NVL: variants seen among roughly 807,000 people sequenced by gnomAD.
The protein encoded by NVL is nuclear valosin-containing protein-like.
A neutral mutation model predicts 110.2 loss-of-function variants in NVL; 84 were observed. The observed-to-expected ratio is 0.76, with a 90% CI of 0.64 to 0.91. NVL has a LOEUF of 0.91. Ranked by LOEUF, NVL falls within the 40% of genes least tolerant of loss-of-function variation. The probability of loss-of-function intolerance (pLI) is 0.00; values close to 1 mark genes in which losing one functional copy is unlikely to be tolerated. For synonymous variants in NVL, 354 were observed against 361.1 expected (o/e 0.98, Z 0.22); for missense variants, 882 against 1,035.9 (o/e 0.85, Z 2.04).
chr1:224,314,999 G>A (rs1669926898), intron 4 of NVL, among the ~76,000 whole-genome samples: 1 of 151,700 alleles, frequency 6.6e-6, no homozygotes. Flanking sequence ...CGACAAGAGT[G>A]AGACTCCATC....
intron 5 of NVL, 24 bp from the exon 6 acceptor site, chr1:224,308,287 T>C (rs775823655): frequency 6.3e-7 from 1 of 1,578,218 alleles, no homozygotes; most frequent in African/African-American, 1.4e-5. Flanking sequence ...AAAACAAAAT[T>C]GTAGCATAAA....
At chr1:224,284,679 C>A (rs970716836) in intron 15 of NVL, among the ~76,000 whole-genome samples, 3 of 151,412 alleles carry the variant, frequency 2.0e-5, no homozygotes, top group Non-Finnish European at 4.4e-5. Context: ...CATGCCTGGC[C>A]AAAAAAACAC....
At chr1:224,262,769 G>A (rs1482909527) in intron 18 of NVL, among the ~76,000 whole-genome samples, 1 of 152,116 alleles carries the variant, frequency 6.6e-6, no homozygotes, top group Non-Finnish European at 1.5e-5. Flanking sequence ...AAAAATGAGG[G>A]CCACTGAATC....
In NVL at chr1:224,293,474, C is replaced by T. The variant is rs190904399; in HGVS notation, c.1325+793G>A. Among the ~76,000 whole-genome samples, 105 of 152,302 alleles carry T rather than the reference C, an allele frequency of 6.9e-4. 1 individual carries two copies. Among genetic ancestry groups the T allele is most frequent in the African/African-American group, 2.4e-3 (98 of 41,564 alleles). On this transcript the variant is annotated intron_variant, in intron 12 of 22. Coordinates refer to ENST00000281701, the MANE Select transcript of NVL (RefSeq NM_002533.4). Reference sequence around the variant, plus strand: ...CTGGTTATTGGTGGATATTTATTTGCTCTATGGACATTACTCATTTGCTCA... The same window carrying T: ...CTGGTTATTGGTGGATATTTATTTGTTCTATGGACATTACTCATTTGCTCA...
At chr1:224,236,628 A>T in intron 19 of NVL, 46 bp from the exon 20 acceptor site, 1 of 1,498,728 alleles carries the variant, frequency 6.7e-7, no homozygotes. Flanking sequence ...TTTAAAGACC[A>T]TGCCGGGTGC....
At chr1:224,305,589 G>C (rs7516228) in intron 6 of NVL, 147,572 of 159,560 alleles carry the variant, frequency 0.92, 68,423 homozygotes, top group Middle Eastern at 0.98. Context: ...CAGAGTTTCA[G>C]TCTTGTCACC....
intron 2 of NVL, 48 bp downstream of exon 2, chr1:224,326,343 G>T: frequency 7.2e-7 from 1 of 1,384,364 alleles, no homozygotes; most frequent in Non-Finnish European, 1.0e-6. Flanking sequence ...TTTTAAAATG[G>T]TAAAGGAGAC....
At chr1:224,312,455 T>A (rs1669617168) in intron 4 of NVL, 1 of 152,318 alleles carries the variant, frequency 6.6e-6, no homozygotes, top group African/African-American at 2.4e-5. Context: ...TAATTCATTA[T>A]AACTGAAAGT....
chr1:224,229,648 C>A (rs748738837), intron 22 of NVL, among the ~76,000 whole-genome samples: 22 of 151,724 alleles, frequency 1.5e-4, no homozygotes, highest in Non-Finnish European at 1.9e-4. Context: ...TGAGATTTCA[C>A]TATATTGGCC....
At chr1:224,229,472 T>C (rs530149067) in intron 22 of NVL, among the ~76,000 whole-genome samples, 2 of 152,096 alleles carry the variant, frequency 1.3e-5, no homozygotes, top group Admixed American at 1.3e-4. Flanking sequence ...TCTCAATCTG[T>C]CGCCCAGGCT....
At chr1:224,281,938 G>A (rs1270928953) in intron 15 of NVL, among the ~76,000 whole-genome samples, 1 of 145,226 alleles carries the variant, frequency 6.9e-6, no homozygotes, top group Admixed American at 6.9e-5. Context: ...GGGCGACAGA[G>A]CGAGACTCTG....
chr1:224,309,587 C>T (rs1669311574), intron 5 of NVL, among the ~76,000 whole-genome samples: 2 of 152,044 alleles, frequency 1.3e-5, no homozygotes, highest in Non-Finnish European at 2.9e-5. Context: ...AAATAAAAAG[C>T]AAATTATAAA....
chr1:224,295,032 C>T (rs1667741725), intron 11 of NVL, among the ~76,000 whole-genome samples: 2 of 152,168 alleles, frequency 1.3e-5, no homozygotes, highest in South Asian at 4.1e-4. Context: ...GAATGTATTT[C>T]TAGGAATGGA....
At position 224,290,838 on chromosome 1, in the gene NVL, C is replaced by T. The variant is rs537344808; in HGVS notation, c.1326-1105G>A. Among the ~76,000 whole-genome samples, 6 of 150,606 alleles carry T rather than the reference C, an allele frequency of 4.0e-5. No individual in the cohort carries two copies. The South Asian group carries it at 1.3e-3, about 32-fold the overall frequency. ...AAAAAAAATTAGCTGGGCATGGGGG[C>T]GGGTACCTGTAATCCTAGCTACACG... On this transcript the variant is annotated intron_variant, in intron 12 of 22. Coordinates refer to ENST00000281701, the MANE Select transcript of NVL (RefSeq NM_002533.4).
chr1:224,247,300 G>T (rs925004874), intron 19 of NVL, among the ~76,000 whole-genome samples: 5 of 151,906 alleles, frequency 3.3e-5, no homozygotes, highest in African/African-American at 1.2e-4. Context: ...CGACTTCTTG[G>T]GGTTAAGCCA....
intron 10 of NVL, among the ~76,000 whole-genome samples, chr1:224,297,283 G>T (rs1258646056): frequency 6.6e-6 from 1 of 152,166 alleles, no homozygotes; most frequent in East Asian, 1.9e-4. Flanking sequence ...TATTTTAAAG[G>T]CTACACTGAA....
chr1:224,296,469 C>A, intron 11 of NVL, 32 bp downstream of exon 11: 1 of 1,134,422 alleles, frequency 8.8e-7, no homozygotes, highest in South Asian at 1.6e-5. Flanking sequence ...AAAATTTATT[C>A]TCTTAAAATG....
chr1:224,260,327 G>A (rs1414744975), intron 18 of NVL, among the ~76,000 whole-genome samples: 6 of 152,202 alleles, frequency 3.9e-5, no homozygotes, highest in East Asian at 1.9e-4. Flanking sequence ...GTGCAGTGGC[G>A]CGATCACTAC....
At chr1:224,269,663 C>T (rs1026197853) in intron 17 of NVL, 1 of 152,030 alleles carries the variant, frequency 6.6e-6, no homozygotes, top group Non-Finnish European at 1.5e-5. Flanking sequence ...AAAAGTGGTG[C>T]TGTGTTTTTG....
Sources: allele counts gnomAD v4.1 joint callset (sites outside exome capture counted in the v4.1 genomes callset), GRCh38; gene constraint gnomAD v4.1.1; transcripts MANE v1.5; gene names NCBI Gene and HGNC (gene_info 2026-07-23, HGNC 2026-07-21).